The following CTNNA2 variants were observed in gnomAD, a reference collection of about 807,000 sequenced individuals.
CTNNA2 encodes catenin alpha-2.
CTNNA2 carries 42 observed loss-of-function variants against 101.0 expected under a neutral mutation model. That is an observed-to-expected ratio of 0.42 (90% CI 0.32 to 0.54). The LOEUF (loss-of-function observed/expected upper bound fraction) is 0.54. Ranked by LOEUF, CTNNA2 falls within the 20% of genes least tolerant of loss-of-function variation. The pLI is 0.14. For synonymous variants in CTNNA2, 450 were observed against 456.4 expected, an observed-to-expected ratio of 0.99 and a Z score of 0.18; for missense variants, 871 against 1,223.1, an observed-to-expected ratio of 0.71 and a Z score of 4.29.
chr2:80,597,656 G>T (rs1697103597), intron 15 of CTNNA2, among the ~76,000 whole-genome samples: 1 of 152,076 alleles, frequency 6.6e-6, no homozygotes, highest in Non-Finnish European at 1.5e-5. Flanking sequence ...CAAAAAGTGG[G>T]CAAAGGATAT....
chr2:80,273,033 G>T (rs1463256294), intron 7 of CTNNA2, among the ~76,000 whole-genome samples: 1 of 152,156 alleles, frequency 6.6e-6, no homozygotes, highest in Non-Finnish European at 1.5e-5. Context: ...CCTTTCTGTT[G>T]TACCTAAATT....
At chr2:79,912,821 T>A (rs1020143053) in intron 7 of CTNNA2, among the ~76,000 whole-genome samples, 3 of 152,200 alleles carry the variant, frequency 2.0e-5, no homozygotes, top group Non-Finnish European at 2.9e-5. Flanking sequence ...TGCTGAGTAC[T>A]TTAAATAGTT....
chr2:79,715,343 G>T lies in CTNNA2; in HGVS notation c.103-29044G>T, dbSNP rs10194879. On this transcript the variant is annotated intron_variant, in intron 2 of 18. Transcript: ENST00000402739. ...AGGACTGTCATGGAAAAGCACTGTA[G>T]AATTGTTCTGCCTTTCTTTATATGG... Among the ~76,000 whole-genome samples, 30 of 152,070 alleles carry T rather than the reference G, an allele frequency of 2.0e-4. No homozygotes were observed. In the East Asian group the frequency reaches 5.8e-3, roughly 29 times the overall value.
At chr2:80,080,354 G>T (rs764587030) in intron 7 of CTNNA2, among the ~76,000 whole-genome samples, 11 of 152,164 alleles carry the variant, frequency 7.2e-5, no homozygotes, top group Admixed American at 7.2e-4. Flanking sequence ...AAAATGGAAA[G>T]CCAAGAAATA....
chr2:79,924,117 G>A (rs1156633172), intron 7 of CTNNA2, among the ~76,000 whole-genome samples: 1 of 151,980 alleles, frequency 6.6e-6, no homozygotes, highest in Non-Finnish European at 1.5e-5. Context: ...TACATACAAT[G>A]GAATACTATT....
chr2:80,297,872 C>G (rs1311898940), intron 7 of CTNNA2, among the ~76,000 whole-genome samples: 1 of 152,056 alleles, frequency 6.6e-6, no homozygotes, highest in East Asian at 1.9e-4. Flanking sequence ...CTGATTTTAT[C>G]AGATCCTTTC....
chr2:80,018,735 C>T (rs1453958495), intron 7 of CTNNA2, among the ~76,000 whole-genome samples: 1 of 147,720 alleles, frequency 6.8e-6, no homozygotes, highest in Non-Finnish European at 1.5e-5. Context: ...GAGCTAAGAT[C>T]GTGCCACTGC....
chr2:79,676,340 C>T (rs1683184265), intron 2 of CTNNA2, among the ~76,000 whole-genome samples: 1 of 152,182 alleles, frequency 6.6e-6, no homozygotes, highest in South Asian at 2.1e-4. Context: ...GAGGGGCTGA[C>T]TTCTGGGAGC....
At chr2:80,543,589 A>G (rs1036371277) in intron 9 of CTNNA2, among the ~76,000 whole-genome samples, 7 of 152,172 alleles carry the variant, frequency 4.6e-5, no homozygotes, top group Non-Finnish European at 1.0e-4. Context: ...AAAGTATTCT[A>G]TCACCCTCAA....
At position 79,246,216 on chromosome 2, in the gene CTNNA2, G is replaced by T. The variant is rs187523974; in HGVS notation, c.-406+48140G>T. On this transcript the variant is annotated intron_variant, in intron 2 of 21. Transcript: ENST00000466387. ...TCTCATTTTCTACACTTACTTGAGG[G>T]TATGGACAAGACGGTCTCTCAAATT... Among the ~76,000 whole-genome samples, 167 of 152,268 alleles carry T rather than the reference G, an allele frequency of 1.1e-3. 2 individuals are homozygous for T. Among genetic ancestry groups the T allele is most frequent in the Non-Finnish European group, 1.9e-3 (129 of 68,024 alleles).
intron 1 of CTNNA2, among the ~76,000 whole-genome samples, chr2:79,591,224 A>G (rs2566550): frequency 0.85 from 128,813 of 152,206 alleles, 54,852 homozygotes; most frequent in African/African-American, 0.93. Flanking sequence ...TTCATATTGG[A>G]TAATTTAACC....
At chr2:79,924,724 T>A (rs1002836425) in intron 7 of CTNNA2, among the ~76,000 whole-genome samples, 2 of 152,066 alleles carry the variant, frequency 1.3e-5, no homozygotes, top group African/African-American at 4.8e-5. Context: ...GGGATAAAAG[T>A]AGAGGTGAGA....
intron 2 of CTNNA2, among the ~76,000 whole-genome samples, chr2:79,264,543 T>C (rs1674966124): frequency 6.6e-6 from 1 of 152,132 alleles, no homozygotes; most frequent in Non-Finnish European, 1.5e-5. Flanking sequence ...GTTTAAGCAA[T>C]GCTGTGATAA....
At chr2:79,869,958 T>C (rs1465023666) in intron 5 of CTNNA2, 23 bp downstream of exon 5, 1 of 1,611,536 alleles carries the variant, frequency 6.2e-7, no homozygotes, top group East Asian at 2.2e-5. Context: ...TTAGAAATGC[T>C]AGGGGAGAAA....
chr2:79,686,361 AC>A (rs961467163), intron 2 of CTNNA2, among the ~76,000 whole-genome samples: 1 of 152,188 alleles, frequency 6.6e-6, no homozygotes, highest in African/African-American at 2.4e-5. Context: ...GGAGGAAGGC[AC>A]AAAATATGAA....
Position 80,544,972 on chromosome 2 carries a change from T to C in CTNNA2, c.1291-10T>C, listed in dbSNP as rs1558570738. 3 of 1,613,322 alleles carry C rather than the reference T, an allele frequency of 1.9e-6. No homozygotes were observed. The highest frequency in any genetic ancestry group is 1.7e-6 in the Non-Finnish European group (2 of 1,179,502). On this transcript the variant is annotated splice_polypyrimidine_tract_variant and intron_variant, in intron 9 of 18. Coordinates refer to ENST00000402739, the MANE Select transcript of CTNNA2 (RefSeq NM_001282597.3). Reference sequence around the variant, plus strand: ...CAACCTAATATTCACTAAAATCCTCTTCAATACAGGTTGCCAATTTGGCCT... The same window carrying C: ...CAACCTAATATTCACTAAAATCCTCCTCAATACAGGTTGCCAATTTGGCCT...
At position 79,842,394 on chromosome 2, in the gene CTNNA2, G is replaced by GT. The variant is rs542091519; in HGVS notation, c.299-15618dup. On this transcript the variant is annotated intron_variant, in intron 3 of 18. Transcript: ENST00000402739. The stretch of plus-strand genomic sequence containing the variant: ...GGAGTTTTAAATGAGTATTAAATGA[G>GT]TAGATATAAGGCTTAGAACAGTATC... Among the ~76,000 whole-genome samples, 592 of 152,254 alleles carry GT rather than the reference G, an allele frequency of 3.9e-3. 2 individuals are homozygous for GT. Among genetic ancestry groups the GT allele is most frequent in the African/African-American group, 0.013 (558 of 41,542 alleles).
intron 1 of CTNNA2, among the ~76,000 whole-genome samples, chr2:79,524,384 A>G (rs2103892090): frequency 6.6e-6 from 1 of 151,918 alleles, no homozygotes; most frequent in African/African-American, 2.4e-5. Context: ...CTGATGTAGA[A>G]ATTATTCTTT....
chr2:80,235,756 T>G (rs1031101681), intron 7 of CTNNA2, among the ~76,000 whole-genome samples: 6 of 152,122 alleles, frequency 3.9e-5, no homozygotes, highest in Non-Finnish European at 8.8e-5. Flanking sequence ...TACCTTAGGG[T>G]CGCACCATAA....
Sources: gnomAD v4.1 joint callset for allele counts (sites outside exome capture counted in the v4.1 genomes callset) on GRCh38, gnomAD v4.1.1 for gene constraint, MANE v1.5 for transcripts, NCBI Gene and HGNC (gene_info 2026-07-23, HGNC 2026-07-21) for gene names.